The following NRROS variants were observed in gnomAD, a reference collection of about 807,000 sequenced individuals.
NRROS encodes the protein negative regulator of reactive oxygen species, also known as transforming growth factor beta activator LRRC33.
A neutral mutation model predicts 12.0 loss-of-function variants in NRROS; 6 were observed. That is an observed-to-expected ratio of 0.50 (90% CI 0.27 to 0.98). The LOEUF (loss-of-function observed/expected upper bound fraction) is 0.98. NRROS is among the 50% of genes least tolerant of loss of function. The pLI, the probability that NRROS is intolerant of heterozygous loss-of-function variation, is 0.11. For missense variants in NRROS, 857 were observed against 888.2 expected (o/e 0.96, Z 0.45); for synonymous variants, 462 against 410.2 (o/e 1.13, Z -1.53).
In NRROS at chr3:196,661,743, C is replaced by T. The variant is rs375637515; in HGVS notation, c.*21C>T. 4.0e-5 allele frequency: 63 copies of T among 1,564,636 alleles called. No individual in the cohort carries two copies. Among genetic ancestry groups the T allele is most frequent in the Admixed American group, 3.8e-4 (22 of 58,040 alleles). On this transcript the variant is annotated 3_prime_UTR_variant, in exon 3 of 3. Transcript: ENST00000328557. ...ACTGACCTGGCTGTGTGCCAAGACT[C>T]GAAATTCGGTCCGCACACAACAGGA...
chr3:196,645,976 G>A (rs1374664313), intron 1 of NRROS, among the ~76,000 whole-genome samples: 1 of 152,250 alleles, frequency 6.6e-6, no homozygotes, highest in Non-Finnish European at 1.5e-5. Context: ...TCTCACTATG[G>A]AAAGCGTCTG....
chr3:196,660,532 A>G lies in NRROS; in HGVS notation c.889A>G (p.Arg297Gly), dbSNP rs774968107. Residue 297 changes from arginine to glycine, a missense_variant, in exon 3 of 3, where the codon AGG becomes GGG. Physicochemically the swap from Arg to Gly is moderately radical, Grantham distance 125 (BLOSUM62 -2). Transcript: ENST00000328557. The surrounding 1 kb of genome is among the most constrained non-coding windows in gnomAD (Gnocchi z 7.7). Reference protein sequence around the residue: ...YRDLYNTSSPREMVAQFLLVD... With the variant: ...YRDLYNTSSPGEMVAQFLLVD... Reference sequence around the variant, plus strand: ...GGACCTGTACAACACCTCGTCGCCGAGGGAGATGGTGGCCCAGTTCCTCCT... The same window carrying G: ...GGACCTGTACAACACCTCGTCGCCGGGGGAGATGGTGGCCCAGTTCCTCCT... The G allele has an allele frequency of 5.0e-6, 8 of 1,614,098 alleles. No individual in the cohort carries two copies. The highest frequency in any genetic ancestry group is 1.1e-5 in the South Asian group (1 of 91,070).
chr3:196,653,702 A>T (rs1299219711), intron 1 of NRROS, among the ~76,000 whole-genome samples: 2 of 152,210 alleles, frequency 1.3e-5, no homozygotes, highest in East Asian at 3.9e-4. Context: ...CACTAAGTTC[A>T]TCCACAACCT....
Position 196,660,848 on chromosome 3 carries a change from G to T in NRROS, c.1205G>T (p.Gly402Val). ...GCTCCGGGGCTGGCCAGCTGCCTGG[G>T]CAGCCTGCGCTTGTTCAACCTGAGC... ...HLAPGLASCL[G>V]SLRLFNLSSN... Residue 402 changes from glycine to valine, a missense_variant, in exon 3 of 3, where the codon GGC becomes GTC. Physicochemically the swap from Gly to Val is moderately radical, Grantham distance 109. Coordinates refer to ENST00000328557, the MANE Select transcript of NRROS (RefSeq NM_198565.3). The surrounding 1 kb of genome is among the most constrained non-coding windows in gnomAD (Gnocchi z 7.7). 1 of 1,613,714 alleles carries T rather than the reference G, an allele frequency of 6.2e-7. No homozygotes were observed.
intron 1 of NRROS, among the ~76,000 whole-genome samples, chr3:196,649,722 G>A (rs995254466): frequency 1.3e-5 from 2 of 152,050 alleles, no homozygotes; most frequent in Non-Finnish European, 2.9e-5. Flanking sequence ...CACCCGCCTC[G>A]GCCTCCCAAA....
rs1737627358 is a variant in NRROS at position 196,659,966 on chromosome 3, G to A, written c.323G>A (p.Arg108His). The A allele has an allele frequency of 1.2e-6, 2 of 1,613,762 alleles. No homozygotes were observed. Among genetic ancestry groups the A allele is most frequent in the Non-Finnish European group, 8.5e-7 (1 of 1,179,938 alleles). Reference sequence around the variant, plus strand: ...GCCTTCCAGGAGCAAGGTCACCTGCGCAGCCTGGTCCTGGGGGACAACTGC... The same window carrying A: ...GCCTTCCAGGAGCAAGGTCACCTGCACAGCCTGGTCCTGGGGGACAACTGC... ...RGAFQEQGHL[R>H]SLVLGDNCLS... The change falls in exon 3 of 3, where the codon CGC becomes CAC. Residue 108 changes from arginine to histidine, a missense_variant. By Grantham distance (29) the Arg-to-His change is conservative. Coordinates refer to ENST00000328557, the MANE Select transcript of NRROS (RefSeq NM_198565.3).
chr3:196,658,886 C>T (rs755807646), intron 2 of NRROS, among the ~76,000 whole-genome samples: 3 of 152,158 alleles, frequency 2.0e-5, no homozygotes, highest in Non-Finnish European at 4.4e-5. Context: ...AGGAGAATTG[C>T]TCGAACCCAG....
At chr3:196,652,706 C>T (rs1431633831) in intron 1 of NRROS, among the ~76,000 whole-genome samples, 1 of 152,184 alleles carries the variant, frequency 6.6e-6, no homozygotes, top group African/African-American at 2.4e-5. Flanking sequence ...TGACACAAGG[C>T]CTGGCTTGCC....
chr3:196,652,832 A>T (rs1401466779), intron 1 of NRROS, among the ~76,000 whole-genome samples: 3 of 152,178 alleles, frequency 2.0e-5, no homozygotes, highest in African/African-American at 4.8e-5. Flanking sequence ...GAGTCACAGC[A>T]GCAGGTACCA....
At position 196,661,503 on chromosome 3, in the gene NRROS, C is replaced by T; in HGVS notation, c.1860C>T (p.Thr620=). 6.2e-7 allele frequency: 1 copy of T among 1,611,966 alleles called. No individual in the cohort carries two copies. Among genetic ancestry groups the T allele is most frequent in the East Asian group, 2.2e-5 (1 of 44,806 alleles). Residue 620 remains threonine (T), a synonymous_variant, in exon 3 of 3, where the codon ACC becomes ACT. Transcript: ENST00000328557. ...CGGTGGCCGACTGGGCCATGGTCAC[C>T]TGCAACCTCTCCTCCAAGATCATCC... ...GQTVADWAMV[T]CNLSSKIIRV...
intron 1 of NRROS, among the ~76,000 whole-genome samples, chr3:196,640,579 G>C (rs1394050317): frequency 6.6e-6 from 1 of 151,764 alleles, no homozygotes; most frequent in East Asian, 1.9e-4. Context: ...AGACTAACAG[G>C]AGGGCGACGA....
At chr3:196,653,343 A>C (rs1328783787) in intron 1 of NRROS, among the ~76,000 whole-genome samples, 1 of 152,220 alleles carries the variant, frequency 6.6e-6, no homozygotes, top group African/African-American at 2.4e-5. Context: ...TGAGCATTCA[A>C]ATCTGATCAA....
In NRROS at chr3:196,654,848, G is replaced by A. The variant is rs957371150; in HGVS notation, c.108+201G>A. ...GATGCTTCCTGGGAAGAGCCAGGCAGTCCCTGCCCCGCCGTTCTCACGCCT... is the reference window on the plus strand; with the variant it reads ...GATGCTTCCTGGGAAGAGCCAGGCAATCCCTGCCCCGCCGTTCTCACGCCT... On this transcript the variant is annotated intron_variant, in intron 2 of 2. Transcript: ENST00000328557. This position sits in a 1 kb window ranked among gnomAD's most constrained non-coding sequence, Gnocchi z 4.4. 9.0e-6 allele frequency: 5 copies of A among 553,994 alleles called. No homozygotes were observed. Among genetic ancestry groups the A allele is most frequent in the Non-Finnish European group, 1.6e-5 (5 of 313,274 alleles). The allele number at this position is 553,994 out of a possible 1,614,324, so 34.3% of individuals were successfully genotyped here.
At chr3:196,657,406 A>C (rs1737557279) in intron 2 of NRROS, among the ~76,000 whole-genome samples, 1 of 151,736 alleles carries the variant, frequency 6.6e-6, no homozygotes, top group Admixed American at 6.6e-5. Flanking sequence ...CGCAGGGAGG[A>C]GCGCAACACC....
intron 1 of NRROS, among the ~76,000 whole-genome samples, chr3:196,645,330 G>A (rs926839165): frequency 3.3e-5 from 5 of 152,186 alleles, no homozygotes; most frequent in African/African-American, 1.2e-4. Context: ...GCATCCCAGG[G>A]TGGCTGGGGC....
chr3:196,641,556 A>G (rs1737210116), intron 1 of NRROS, among the ~76,000 whole-genome samples: 1 of 152,180 alleles, frequency 6.6e-6, no homozygotes, highest in Non-Finnish European at 1.5e-5. Context: ...ATGAAAACAC[A>G]TTCTCTTATA....
chr3:196,661,427 C>T lies in NRROS; in HGVS notation c.1784C>T (p.Pro595Leu). ...GLRTIYLSQN[P>L]YDCCGVDGWG... ...CGGACCATCTACCTCAGTCAGAATC[C>T]ATATGACTGCTGTGGGGTGGATGGC... Residue 595 changes from proline (P) to leucine (L), a missense_variant, in exon 3 of 3, where the codon CCA (proline) becomes CTA (leucine). Coordinates refer to ENST00000328557, the MANE Select transcript of NRROS (RefSeq NM_198565.3). 6.3e-7 allele frequency: 1 copy of T among 1,583,338 alleles called. No individual in the cohort carries two copies. The highest frequency in any genetic ancestry group is 8.6e-7 in the Non-Finnish European group (1 of 1,162,324).
chr3:196,660,533 G>A lies in NRROS; in HGVS notation c.890G>A (p.Arg297Lys), dbSNP rs760298524. 3 of 1,614,108 alleles carry A rather than the reference G, an allele frequency of 1.9e-6. No homozygotes were observed. In the Admixed American group the frequency reaches 5.0e-5, roughly 27 times the overall value. ...GACCTGTACAACACCTCGTCGCCGA[G>A]GGAGATGGTGGCCCAGTTCCTCCTC... ...YRDLYNTSSP[R>K]EMVAQFLLVD... is the part of the protein sequence containing the mutation. The change falls in exon 3 of 3, where the codon AGG (arginine) becomes AAG (lysine). Residue 297 changes from arginine to lysine, a missense_variant. Arg to Lys is a conservative substitution (Grantham distance 26). Coordinates refer to ENST00000328557, the MANE Select transcript of NRROS (RefSeq NM_198565.3). This position sits in a 1 kb window ranked among gnomAD's most constrained non-coding sequence, Gnocchi z 7.7.
intron 2 of NRROS, among the ~76,000 whole-genome samples, chr3:196,657,986 G>T (rs190913980): frequency 2.0e-5 from 3 of 152,236 alleles, no homozygotes; most frequent in African/African-American, 7.2e-5. Context: ...CGAAAATGAC[G>T]AGTATAATTT....
Sources: gnomAD v4.1 joint callset for allele counts (sites outside exome capture counted in the v4.1 genomes callset) on GRCh38, gnomAD v4.1.1 for gene constraint, Gnocchi (gnomAD v3.1) non-coding constraint, MANE v1.5 for transcripts, NCBI Gene and HGNC (gene_info 2026-07-23, HGNC 2026-07-21) for gene names.